GLIS3: variants seen among roughly 807,000 people sequenced by gnomAD.
GLIS3 encodes the protein GLIS family zinc finger 3, also known as zinc finger protein GLIS3.
In GLIS3, 53 loss-of-function variants were observed where a neutral mutation model predicts 78.6. The observed-to-expected ratio is 0.67, with a 90% confidence interval of 0.54 to 0.85. GLIS3 has a LOEUF of 0.85. Among genes scored for constraint, GLIS3 ranks in the 40% least tolerant of loss-of-function variants. GLIS3 has a pLI of 0.00. For synonymous variants in GLIS3, 684 were observed against 509.9 expected, an observed-to-expected ratio of 1.34 and a Z score of -4.60; for missense variants, 1,703 against 1,231.1, an observed-to-expected ratio of 1.38 and a Z score of -5.74.
At chr9:4,368,271 G>T in the GLIS3 span, among the ~76,000 whole-genome samples, 1 of 151,646 alleles carries the variant, frequency 6.6e-6, no homozygotes, top group Admixed American at 6.6e-5. Flanking sequence ...TTCTCAGCCA[G>T]AAGGCAATAG....
intron 2 of GLIS3, among the ~76,000 whole-genome samples, chr9:4,200,547 G>A (rs1193497665): frequency 6.6e-6 from 1 of 152,074 alleles, no homozygotes; most frequent in Admixed American, 6.5e-5. Flanking sequence ...ACACGAACTA[G>A]AAAGTCTGAA....
At chr9:4,384,971 G>A in the GLIS3 span, among the ~76,000 whole-genome samples, 2 of 152,204 alleles carry the variant, frequency 1.3e-5, no homozygotes, top group African/African-American at 4.8e-5. Flanking sequence ...AGCTATACAA[G>A]CTTCATAATG....
chr9:4,062,915 C>T (rs957970601), intron 4 of GLIS3, among the ~76,000 whole-genome samples: 5 of 149,842 alleles, frequency 3.3e-5, no homozygotes, highest in Admixed American at 6.7e-5. Context: ...GGTGACTGAG[C>T]GAGACTCCAT....
intron 2 of GLIS3, among the ~76,000 whole-genome samples, chr9:4,182,133 G>C (rs1476184277): frequency 6.6e-6 from 1 of 152,122 alleles, no homozygotes; most frequent in Non-Finnish European, 1.5e-5. Flanking sequence ...TTCCTATAAG[G>C]ACCGTTTTTT....
chr9:4,006,463 G>A (rs532419960), intron 4 of GLIS3, among the ~76,000 whole-genome samples: 11 of 152,192 alleles, frequency 7.2e-5, no homozygotes, highest in South Asian at 4.1e-4. Context: ...AATTGAAGTC[G>A]TGCCCCGAGC....
chr9:3,846,166 A>G (rs17742721), intron 9 of GLIS3, among the ~76,000 whole-genome samples: 31,893 of 152,194 alleles, frequency 0.21, 4,153 homozygotes, highest in Middle Eastern at 0.3. Flanking sequence ...TGACAGCAGA[A>G]TGTTAACCCT....
intron 4 of GLIS3, among the ~76,000 whole-genome samples, chr9:4,049,065 C>G (rs778836143): frequency 6.6e-6 from 1 of 152,178 alleles, no homozygotes; most frequent in Non-Finnish European, 1.5e-5. Context: ...AACCAAATAG[C>G]AGTTCAGACA....
At chr9:4,289,489 T>C (rs1011509570) in intron 1 of GLIS3, among the ~76,000 whole-genome samples, 6 of 152,266 alleles carry the variant, frequency 3.9e-5, no homozygotes, top group Admixed American at 2.6e-4. Flanking sequence ...ATTTCAACAT[T>C]GCATTTACAC....
At chr9:4,473,264 G>A in the GLIS3 span, among the ~76,000 whole-genome samples, 1 of 151,986 alleles carries the variant, frequency 6.6e-6, no homozygotes, top group East Asian at 1.9e-4. Flanking sequence ...TGACCATCAT[G>A]GTGAAACCTT....
At chr9:4,179,792 C>G (rs980710744) in intron 2 of GLIS3, among the ~76,000 whole-genome samples, 3 of 151,944 alleles carry the variant, frequency 2.0e-5, no homozygotes, top group Non-Finnish European at 4.4e-5. Flanking sequence ...TGCCTGTAAT[C>G]CCAGCTACCC....
chr9:4,368,060 C>T, the GLIS3 span, among the ~76,000 whole-genome samples: 7 of 152,160 alleles, frequency 4.6e-5, no homozygotes, highest in East Asian at 1.2e-3. Flanking sequence ...CCCAAGTTAA[C>T]CAGTCAATTC....
the GLIS3 span, among the ~76,000 whole-genome samples, chr9:4,427,969 T>C: frequency 6.6e-6 from 1 of 151,434 alleles, no homozygotes; most frequent in African/African-American, 2.4e-5. Flanking sequence ...GGCCCCTTAC[T>C]ACACAGAAAT....
At chr9:4,088,530 T>C (rs1829233374) in intron 4 of GLIS3, among the ~76,000 whole-genome samples, 1 of 152,246 alleles carries the variant, frequency 6.6e-6, no homozygotes, top group Non-Finnish European at 1.5e-5. Flanking sequence ...AAACCAACTT[T>C]GAAAGATTAC....
chr9:4,290,054 A>G (rs1828319156), intron 1 of GLIS3, among the ~76,000 whole-genome samples: 1 of 152,160 alleles, frequency 6.6e-6, no homozygotes, highest in East Asian at 1.9e-4. Context: ...ACGAAAAGCA[A>G]TGTTAACTCA....
chr9:4,459,704 ACCATGAGCCCAGGAGGTCAAGTGAG>A, the GLIS3 span, among the ~76,000 whole-genome samples: 2 of 152,200 alleles, frequency 1.3e-5, no homozygotes, highest in East Asian at 3.9e-4. Context: ...GGTCAAGTGA[ACCATGAGCCCAGGAGGTCAAGTGAG>A]CCACTGCAGC....
chr9:4,457,742 C>T, the GLIS3 span, among the ~76,000 whole-genome samples: 6 of 150,848 alleles, frequency 4.0e-5, no homozygotes, highest in South Asian at 2.1e-4. Flanking sequence ...CCCAGCTATT[C>T]GGGAGGCTGA....
chr9:4,003,419 T>C (rs915486905), intron 4 of GLIS3, among the ~76,000 whole-genome samples: 3 of 152,158 alleles, frequency 2.0e-5, no homozygotes, highest in Non-Finnish European at 4.4e-5. Flanking sequence ...AATTTAAACC[T>C]GAACTTGAGT....
chr9:4,058,908 G>C (rs897052886), intron 4 of GLIS3, among the ~76,000 whole-genome samples: 2 of 151,874 alleles, frequency 1.3e-5, no homozygotes, highest in African/African-American at 4.8e-5. Context: ...AATGAACCCA[G>C]GAGGTGGAGC....
intron 2 of GLIS3, among the ~76,000 whole-genome samples, chr9:4,228,393 A>T (rs2131355879): frequency 6.6e-6 from 1 of 152,276 alleles, no homozygotes; most frequent in African/African-American, 2.4e-5. Context: ...GAGAGTACAT[A>T]ACCCTCCAGT....
Sources: gnomAD v4.1 joint callset for allele counts (sites outside exome capture counted in the v4.1 genomes callset) on GRCh38, gnomAD v4.1.1 for gene constraint, MANE v1.5 for transcripts, NCBI Gene and HGNC (gene_info 2026-07-23, HGNC 2026-07-21) for gene names.